The following PTPRF variants were observed in gnomAD, a reference collection of about 807,000 sequenced individuals.
The protein encoded by PTPRF is protein tyrosine phosphatase receptor type F.
A neutral mutation model predicts 201.8 loss-of-function variants in PTPRF; 59 were observed. The ratio of observed to expected loss-of-function variants is 0.29; its 90% CI spans 0.24 to 0.36. PTPRF has a LOEUF of 0.36. PTPRF is among the 10% of genes least tolerant of loss of function. The probability of loss-of-function intolerance (pLI) is 1.00; values close to 1 mark genes in which losing one functional copy is unlikely to be tolerated. For missense variants in PTPRF, 2,132 were observed against 2,690.5 expected (o/e 0.79, Z 4.59); for synonymous variants, 1,088 against 1,089.7 (o/e 1.00, Z 0.03).
chr1:43,611,642 T>C (rs1002634467), intron 22 of PTPRF, among the ~76,000 whole-genome samples: 1 of 152,106 alleles, frequency 6.6e-6, no homozygotes, highest in Non-Finnish European at 1.5e-5. Context: ...TCACTCTGGC[T>C]CCTTGAGGAG....
chr1:43,606,689 TGTAGG>T lies in PTPRF; in HGVS notation c.3703-122_3703-118del, dbSNP rs1457509516. ...GGACCCAGTCCTGCCAGGTCCACCT[TGTAGG>T]GTCTGGGAGACCAGGCCCAGGGTAA... On this transcript the variant is annotated intron_variant, in intron 20 of 33. Transcript: ENST00000359947. 23 of 1,367,608 alleles carry T rather than the reference TGTAGG, an allele frequency of 1.7e-5. No homozygotes were observed. In the Admixed American group the frequency reaches 4.3e-4, roughly 26 times the overall value. 84.7% of individuals were successfully genotyped at this position (1,367,608 alleles called of 1,614,324 possible). A position where few individuals can be genotyped will look rare whatever the true frequency, so the allele number is the denominator to read the frequency against.
At chr1:43,555,618 G>T (rs1034944888) in intron 5 of PTPRF, among the ~76,000 whole-genome samples, 3 of 151,764 alleles carry the variant, frequency 2.0e-5, no homozygotes, top group Non-Finnish European at 4.4e-5. Flanking sequence ...ACTAATTTTT[G>T]TATTTTTAGT....
chr1:43,528,181 G>C (rs182400959), upstream of PTPRF, among the ~76,000 whole-genome samples: 4 of 152,138 alleles, frequency 2.6e-5, no homozygotes, highest in African/African-American at 7.2e-5. Flanking sequence ...ACTAAAGGTA[G>C]AGCAAGTCTT....
At chr1:43,564,271 C>T (rs1049218758) in intron 5 of PTPRF, among the ~76,000 whole-genome samples, 2 of 152,098 alleles carry the variant, frequency 1.3e-5, no homozygotes, top group African/African-American at 4.8e-5. Flanking sequence ...TTTTGGAAGG[C>T]GTCTGGCTCT....
chr1:43,544,429 T>C (rs115424368), intron 2 of PTPRF, among the ~76,000 whole-genome samples: 1,955 of 152,292 alleles, frequency 0.013, 54 homozygotes, highest in African/African-American at 0.046. Flanking sequence ...GCTGGAAGCC[T>C]CTGATACCTG....
intron 2 of PTPRF, among the ~76,000 whole-genome samples, chr1:43,544,393 G>A (rs1392209714): frequency 6.6e-6 from 1 of 152,224 alleles, no homozygotes; most frequent in Non-Finnish European, 1.5e-5. Context: ...GCACGTCCTG[G>A]TGAGCACTGA....
intron 32 of PTPRF, 45 bp from the exon 33 acceptor site, chr1:43,621,052 G>T: frequency 6.2e-7 from 1 of 1,611,140 alleles, no homozygotes; most frequent in Non-Finnish European, 8.5e-7. Context: ...CAGACCCACT[G>T]CATGAGGCAA....
At chr1:43,604,459 A>G (rs545379787) in intron 16 of PTPRF, among the ~76,000 whole-genome samples, 2 of 152,076 alleles carry the variant, frequency 1.3e-5, no homozygotes, top group South Asian at 2.1e-4. Flanking sequence ...CTGTGTCACT[A>G]TTCTTGGGTG....
intron 31 of PTPRF, 21 bp downstream of exon 31, chr1:43,620,600 T>C (rs779744770): frequency 6.2e-7 from 1 of 1,610,364 alleles, no homozygotes; most frequent in South Asian, 1.1e-5. Flanking sequence ...GCATTGAGTG[T>C]GTCCATAACG....
chr1:43,530,736 G>A (rs903911426), upstream of PTPRF: 1 of 152,096 alleles, frequency 6.6e-6, no homozygotes, highest in African/African-American at 2.5e-5. This position sits in a 1 kb window ranked among gnomAD's most constrained non-coding sequence, Gnocchi z 4.1. Flanking sequence ...TTGGCGTTGG[G>A]TTGTGGCCTG....
chr1:43,565,290 C>T (rs1646083813), intron 5 of PTPRF, among the ~76,000 whole-genome samples: 1 of 152,314 alleles, frequency 6.6e-6, no homozygotes, highest in East Asian at 1.9e-4. Flanking sequence ...ACCCTCCCCT[C>T]GCTAGGGCTT....
chr1:43,589,175 T>TA (rs1272451301), intron 8 of PTPRF, among the ~76,000 whole-genome samples, 175 bp downstream of exon 8: 1 of 151,900 alleles, frequency 6.6e-6, no homozygotes, highest in Non-Finnish European at 1.5e-5. Context: ...GGATTTCTGT[T>TA]ATTAGCCGGC....
chr1:43,587,682 G>C, intron 7 of PTPRF, among the ~76,000 whole-genome samples: 1 of 152,202 alleles, frequency 6.6e-6, no homozygotes, highest in Admixed American at 6.5e-5. Context: ...GTACTGACTA[G>C]CCTGCTGCCT....
rs539100355 is a variant in PTPRF, at chr1:43,595,522, G to C, written c.1814-2226G>C. On this transcript the variant is annotated intron_variant, in intron 11 of 33. Coordinates refer to ENST00000359947, the MANE Select transcript of PTPRF (RefSeq NM_002840.5). ...GGCGTGAGCCACCGCGCCCGGCCTG[G>C]GATTTTTCTTTTAAGATGGGAAAAT... is the stretch of plus-strand genomic sequence containing the variant. 5.3e-5 allele frequency among the ~76,000 whole-genome samples: 8 copies of C among 152,212 alleles called. No individual in the cohort carries two copies. In the East Asian group the frequency reaches 1.4e-3, roughly 26 times the overall value.
rs764903807 is a variant in PTPRF, at chr1:43,591,117, G to A, written c.1095G>A (p.Glu365=). The A allele has an allele frequency of 1.2e-6, 2 of 1,613,796 alleles. No homozygotes were observed. The highest frequency in any genetic ancestry group is 1.7e-6 in the Non-Finnish European group (2 of 1,180,046). The change falls in exon 9 of 34, where the codon GAG becomes GAA. Residue 365 remains glutamate, a synonymous_variant. Transcript: ENST00000359947. ...CGGGCACGGAGGGCCCCTTTCAGGA[G>A]GTGGATGGTGTGGCCACCACCCGCT... The part of the protein sequence containing the change: ...RAAGTEGPFQ[E]VDGVATTRYS...
Position 43,620,856 on chromosome 1 carries a change from A to C in PTPRF, c.5383A>C (p.Ile1795Leu). The change falls in exon 32 of 34, where the codon ATC (isoleucine) becomes CTC (leucine). Residue 1795 changes from isoleucine (I) to leucine (L), a missense_variant. Ile to Leu is a conservative substitution (Grantham distance 5). This residue lies in a region of PTPRF where 519 missense variants were observed against 659.5 expected (regional missense o/e 0.79). Transcript: ENST00000359947. ...TDARDGQSRT[I>L]RQFQFTDWPE... ...TTCCCAGGATGGGCAGTCAAGGACA[A>C]TCCGGCAGTTCCAGTTCACAGACTG... is the stretch of plus-strand genomic sequence containing the variant. 6.2e-7 allele frequency: 1 copy of C among 1,613,172 alleles called. No homozygotes were observed.
At chr1:43,562,220 T>C (rs929651093) in intron 5 of PTPRF, among the ~76,000 whole-genome samples, 1 of 152,074 alleles carries the variant, frequency 6.6e-6, no homozygotes, top group African/African-American at 2.4e-5. Flanking sequence ...ATGATTCTCC[T>C]GCCTCAGCCT....
At chr1:43,569,230 C>CA (rs369525935) in intron 5 of PTPRF, among the ~76,000 whole-genome samples, 133 of 124,060 alleles carry the variant, frequency 1.1e-3, no homozygotes, top group Middle Eastern at 4.0e-3. Flanking sequence ...CCCCCCCCCC[C>CA]ACCCCCTGCA....
rs749276357 is a variant in PTPRF, at chr1:43,569,659, G to A, written c.449G>A (p.Arg150His). ...GPQLKVVEKA[R>H]TATMLCAAGG... Reference sequence around the variant, plus strand: ...CAGCTGAAGGTGGTGGAGAAGGCACGCACAGCCACCATGCTATGTGCCGCA... The same window carrying A: ...CAGCTGAAGGTGGTGGAGAAGGCACACACAGCCACCATGCTATGTGCCGCA... The change falls in exon 6 of 34, where the codon CGC (arginine) becomes CAC (histidine). Residue 150 changes from arginine to histidine, a missense_variant. Arg to His is a conservative substitution (Grantham distance 29, BLOSUM62 0). This residue lies in a region of PTPRF where 297 missense variants were observed against 454.0 expected (regional missense o/e 0.65). Transcript: ENST00000359947. 8.7e-6 allele frequency: 14 copies of A among 1,613,838 alleles called. No homozygotes were observed. The highest frequency in any genetic ancestry group is 2.2e-5 in the East Asian group (1 of 44,888).
Sources: allele counts gnomAD v4.1 joint callset (sites outside exome capture counted in the v4.1 genomes callset), GRCh38; gene constraint gnomAD v4.1.1; regional missense constraint gnomAD v4.1.1; non-coding constraint Gnocchi (gnomAD v3.1); transcripts MANE v1.5; gene names NCBI Gene and HGNC (gene_info 2026-07-23, HGNC 2026-07-21).